Variants in PCCA observed in about 807,000 individuals in gnomAD.
PCCA encodes the protein propionyl-CoA carboxylase subunit alpha, also known as propionyl-CoA carboxylase alpha chain, mitochondrial.
In PCCA, 74 loss-of-function variants were observed where a neutral mutation model predicts 101.3. The observed-to-expected ratio is 0.73, with a 90% CI of 0.61 to 0.89. PCCA has a LOEUF of 0.89. PCCA is among the 40% of genes least tolerant of loss of function. PCCA has a pLI of 0.00. For missense variants in PCCA, 891 were observed against 907.0 expected, an observed-to-expected ratio of 0.98 and a Z score of 0.23; for synonymous variants, 294 against 313.6, an observed-to-expected ratio of 0.94 and a Z score of 0.66.
chr13:100,447,722 A>G lies in PCCA; in HGVS notation c.1846-1530A>G, dbSNP rs377109131. Among the ~76,000 whole-genome samples the G allele has an allele frequency of 9.9e-5, 15 of 151,890 alleles. No homozygotes were observed. In the East Asian group the frequency reaches 2.1e-3, roughly 22 times the overall value. ...CATGGGTCAAAATGCTCCCATACTG[A>G]TTTTTTTTCTACTCTATACCACACT... On this transcript the variant is annotated intron_variant, in intron 20 of 23. Coordinates refer to ENST00000376285, the MANE Select transcript of PCCA (RefSeq NM_000282.4).
rs1178357832 is a variant in PCCA, at chr13:100,179,413, G to A, written c.468+22073G>A. On this transcript the variant is annotated intron_variant, in intron 6 of 23. Coordinates refer to ENST00000376285, the MANE Select transcript of PCCA (RefSeq NM_000282.4). The stretch of plus-strand genomic sequence containing the variant: ...AAAATGTACAGCTAGTATTGAATTG[G>A]GGTAATAATCTGCCACTTTTTTGCC... Among the ~76,000 whole-genome samples the A allele has an allele frequency of 2.0e-5, 3 of 152,088 alleles. No individual in the cohort carries two copies. The East Asian group carries it at 5.8e-4, about 29-fold the overall frequency.
chr13:100,472,874 A>T (rs1014702323), intron 21 of PCCA, among the ~76,000 whole-genome samples: 2 of 147,888 alleles, frequency 1.4e-5, no homozygotes, highest in African/African-American at 5.0e-5. Flanking sequence ...TCATAAGATA[A>T]AAAAAAAAAA....
chr13:100,303,136 GAAAAC>G (rs1001871571), intron 14 of PCCA, 138 bp downstream of exon 14: 1 of 723,244 alleles, frequency 1.4e-6, no homozygotes. Flanking sequence ...TTTTTGTGTT[GAAAAC>G]AAATTTTTTT....
At chr13:100,124,417 T>C (rs139144821) in intron 4 of PCCA, among the ~76,000 whole-genome samples, 1,847 of 152,282 alleles carry the variant, frequency 0.012, 42 homozygotes, top group African/African-American at 0.034. Context: ...GTGACTCACA[T>C]CTTACCCAGG....
chr13:100,486,969 T>A (rs571550707), intron 21 of PCCA, among the ~76,000 whole-genome samples: 1 of 152,314 alleles, frequency 6.6e-6, no homozygotes, highest in South Asian at 2.1e-4. Flanking sequence ...CCAGGACTAG[T>A]AATAGTTGCC....
chr13:100,442,908 C>G (rs1460436595), intron 20 of PCCA, among the ~76,000 whole-genome samples: 1 of 151,984 alleles, frequency 6.6e-6, no homozygotes, highest in African/African-American at 2.4e-5. Context: ...TGAAACGGGA[C>G]AAGCTTGTTT....
At chr13:100,166,747 T>C (rs1439564488) in intron 6 of PCCA, among the ~76,000 whole-genome samples, 4 of 152,230 alleles carry the variant, frequency 2.6e-5, no homozygotes, top group Non-Finnish European at 2.9e-5. Flanking sequence ...CAAGTAGTTA[T>C]GTGGGCATAT....
At chr13:100,454,776 T>TA (rs1409492980) in intron 21 of PCCA, among the ~76,000 whole-genome samples, 1 of 152,214 alleles carries the variant, frequency 6.6e-6, no homozygotes, top group East Asian at 1.9e-4. Context: ...CTGTTCAACT[T>TA]AGAGAAAATA....
At chr13:100,235,719 G>C in intron 7 of PCCA, 123 bp from the exon 8 acceptor site, 1 of 729,950 alleles carries the variant, frequency 1.4e-6, no homozygotes, top group Non-Finnish European at 2.6e-6. Flanking sequence ...AAAAGGGTTA[G>C]AAGGTAGTAA....
rs552145059 is a variant in PCCA, at chr13:100,443,130, C to T, written c.1846-6122C>T. Among the ~76,000 whole-genome samples the T allele has an allele frequency of 5.3e-5, 8 of 152,154 alleles. No homozygotes were observed. In the East Asian group the frequency reaches 1.5e-3, roughly 29 times the overall value. On this transcript the variant is annotated intron_variant, in intron 20 of 23. Coordinates refer to ENST00000376285, the MANE Select transcript of PCCA (RefSeq NM_000282.4). ...AATCATTGATTTGACCATTGCAGACCTCAGGTGAGAGGTACTGGTGGCTTA... is the reference window on the plus strand; with the variant it reads ...AATCATTGATTTGACCATTGCAGACTTCAGGTGAGAGGTACTGGTGGCTTA...
At chr13:100,456,022 T>G (rs2081681132) in intron 21 of PCCA, among the ~76,000 whole-genome samples, 1 of 152,110 alleles carries the variant, frequency 6.6e-6, no homozygotes, top group Non-Finnish European at 1.5e-5. Flanking sequence ...TTCTTTAGGG[T>G]TTTGTGCATT....
At chr13:100,340,348 G>A in intron 18 of PCCA, 89 bp downstream of exon 18, 1 of 771,644 alleles carries the variant, frequency 1.3e-6, no homozygotes, top group Non-Finnish European at 2.3e-6. Context: ...AGATGTGGCT[G>A]ATCTCAGTTC....
At chr13:100,308,620 T>G (rs1032579378) in intron 15 of PCCA, among the ~76,000 whole-genome samples, 8 of 152,168 alleles carry the variant, frequency 5.3e-5, no homozygotes, top group African/African-American at 1.9e-4. Flanking sequence ...GCCACCGTGG[T>G]TGGCCTAAGT....
At chr13:100,444,897 A>C (rs1175678053) in intron 20 of PCCA, among the ~76,000 whole-genome samples, 1 of 152,180 alleles carries the variant, frequency 6.6e-6, no homozygotes, top group African/African-American at 2.4e-5. Context: ...TTGATAAATT[A>C]AAGTTGCATA....
At chr13:100,278,629 G>A (rs2063841093) in intron 12 of PCCA, among the ~76,000 whole-genome samples, 2 of 151,992 alleles carry the variant, frequency 1.3e-5, no homozygotes, top group South Asian at 2.1e-4. Context: ...ATAGGTGCGT[G>A]CCACTACGCC....
At chr13:100,130,930 G>GT (rs1463359521) in intron 4 of PCCA, among the ~76,000 whole-genome samples, 2 of 152,020 alleles carry the variant, frequency 1.3e-5, no homozygotes, top group Admixed American at 6.6e-5. Context: ...CCATGTATCA[G>GT]TTTTTTTACA....
At chr13:100,458,329 AC>A (rs1442537987) in intron 21 of PCCA, among the ~76,000 whole-genome samples, 1 of 125,838 alleles carries the variant, frequency 7.9e-6, no homozygotes, top group East Asian at 2.4e-4. Context: ...ACACACACAC[AC>A]ACACACACAC....
chr13:100,473,442 T>C (rs1337763535), intron 21 of PCCA: 1 of 152,226 alleles, frequency 6.6e-6, no homozygotes, highest in East Asian at 1.9e-4. Flanking sequence ...CTTTCACAGA[T>C]GGGCAATTAC....
chr13:100,326,731 T>G (rs1456906084), intron 16 of PCCA, among the ~76,000 whole-genome samples: 1 of 152,118 alleles, frequency 6.6e-6, no homozygotes, highest in Non-Finnish European at 1.5e-5. Context: ...AAGACTGTTA[T>G]GATGATCCAC....
Sources: gnomAD v4.1 joint callset for allele counts (sites outside exome capture counted in the v4.1 genomes callset) on GRCh38, gnomAD v4.1.1 for gene constraint, MANE v1.5 for transcripts, NCBI Gene and HGNC (gene_info 2026-07-23, HGNC 2026-07-21) for gene names.